The following ATXN7 variants were observed in gnomAD, a reference collection of about 807,000 sequenced individuals.
ATXN7 encodes the protein ataxin 7, also known as ataxin-7.
ATXN7 carries 12 observed loss-of-function variants against 70.5 expected under a neutral mutation model. The observed-to-expected ratio is 0.17, with a 90% CI of 0.11 to 0.28. ATXN7 has a LOEUF of 0.28. Among genes scored for constraint, ATXN7 ranks in the 10% least tolerant of loss-of-function variants. The pLI is 1.00. For synonymous variants in ATXN7, 498 were observed against 448.7 expected (o/e 1.11, Z -1.39); for missense variants, 1,256 against 1,131.7 (o/e 1.11, Z -1.58).
intron 1 of ATXN7, among the ~76,000 whole-genome samples, chr3:63,871,004 T>A (rs975145531): frequency 6.6e-6 from 1 of 152,182 alleles, no homozygotes; most frequent in Non-Finnish European, 1.5e-5. Context: ...TCCCTCTACC[T>A]TTCTCTCCTG....
At chr3:63,964,081 C>T (rs1020335727) in intron 5 of ATXN7, among the ~76,000 whole-genome samples, 1 of 138,110 alleles carries the variant, frequency 7.2e-6, no homozygotes, top group Non-Finnish European at 1.5e-5. Flanking sequence ...TAAACACACA[C>T]ACACACACAC....
chr3:63,959,652 TTC>T (rs2075093164), intron 5 of ATXN7, among the ~76,000 whole-genome samples: 1 of 152,232 alleles, frequency 6.6e-6, no homozygotes, highest in Non-Finnish European at 1.5e-5. Context: ...TAAAGGTTTA[TTC>T]TCTCTCAGCT....
In ATXN7 at chr3:63,952,438, G is replaced by T. The variant is rs759418780; in HGVS notation, c.454G>T (p.Asp152Tyr). The T allele has an allele frequency of 1.9e-5, 30 of 1,612,284 alleles. No individual in the cohort carries two copies. The highest frequency in any genetic ancestry group is 2.5e-5 in the Non-Finnish European group (29 of 1,179,574). The change falls in exon 5 of 13, where the codon GAC (aspartate) becomes TAC (tyrosine). Residue 152 changes from aspartate (D) to tyrosine (Y), a missense_variant. Transcript: ENST00000674280. ...HDDFYLVVCN[D>Y]CNQVVKPQAF... ...TGATTTCTACTTGGTGGTGTGTAAC[G>T]ACTGTAATCAGGTTGTCAAACCGCA...
intron 1 of ATXN7, among the ~76,000 whole-genome samples, chr3:63,871,152 A>G (rs1335421177): frequency 1.3e-5 from 2 of 152,184 alleles, no homozygotes; most frequent in African/African-American, 4.8e-5. Context: ...TTTGGAGTTT[A>G]CCTTTTCAAA....
rs150452950 is a variant in ATXN7 at position 63,900,091 on chromosome 3, GCAACAA to G, written c.-12+1607_-12+1612del. Among the ~76,000 whole-genome samples the G allele has an allele frequency of 6.2e-3, 936 of 151,974 alleles. 4 individuals carry two copies. The highest frequency in any genetic ancestry group is 9.4e-3 in the Non-Finnish European group (640 of 67,936). On this transcript the variant is annotated intron_variant, in intron 2 of 12. Coordinates refer to ENST00000674280, the MANE Select transcript of ATXN7 (RefSeq NM_001377405.1). ...AGCAAGACCCCATGTTAAAAAACAAGCAACAACAACAACAACAAAATTATTCTCCTA... is the reference window on the plus strand; with the variant it reads ...AGCAAGACCCCATGTTAAAAAACAAGCAACAACAACAAAATTATTCTCCTA...
chr3:63,939,481 A>G (rs764082166), intron 4 of ATXN7, among the ~76,000 whole-genome samples: 9 of 152,174 alleles, frequency 5.9e-5, no homozygotes, highest in African/African-American at 9.7e-5. Flanking sequence ...CAAACTGATG[A>G]TATTATCCTT....
intron 5 of ATXN7, among the ~76,000 whole-genome samples, chr3:63,959,130 G>A (rs2075082650): frequency 6.6e-6 from 1 of 152,204 alleles, no homozygotes; most frequent in African/African-American, 2.4e-5. Context: ...TCTTCTGCCT[G>A]TTCTACTTTA....
rs144689252 is a variant in ATXN7, at chr3:63,996,129, C to T, written c.2307C>T (p.Asn769=). Residue 769 remains asparagine (N), a synonymous_variant, in exon 12 of 13, where the codon AAC becomes AAT. Transcript: ENST00000674280. The part of the protein sequence containing the change: ...NCVTNKANAV[N]VRHDQSGRGP... ...TGACGAATAAAGCAAATGCGGTGAACGTCCGGCATGACCAGTCAGGGAGGG... is the reference window on the plus strand; with the variant it reads ...TGACGAATAAAGCAAATGCGGTGAATGTCCGGCATGACCAGTCAGGGAGGG... 2.6e-5 allele frequency: 42 copies of T among 1,614,188 alleles called. 1 individual carries two copies. In the East Asian group the frequency reaches 3.8e-4, roughly 15 times the overall value.
At chr3:63,923,288 A>G (rs1316239299) in intron 4 of ATXN7, among the ~76,000 whole-genome samples, 1 of 152,216 alleles carries the variant, frequency 6.6e-6, no homozygotes, top group African/African-American at 2.4e-5. Flanking sequence ...CTTAAGTGCC[A>G]GGTTTTCTGA....
chr3:63,915,500 A>G (rs368730954), intron 4 of ATXN7, among the ~76,000 whole-genome samples: 85 of 152,330 alleles, frequency 5.6e-4, no homozygotes, highest in Middle Eastern at 6.8e-3. Flanking sequence ...AGAAATGAAA[A>G]TACATTTAAT....
intron 8 of ATXN7, among the ~76,000 whole-genome samples, chr3:63,983,809 G>A (rs2075528418): frequency 1.3e-5 from 2 of 152,116 alleles, no homozygotes; most frequent in Non-Finnish European, 2.9e-5. Context: ...ACATAAATGA[G>A]CTTGTATGTT....
chr3:63,956,452 A>T (rs147178017), intron 5 of ATXN7, among the ~76,000 whole-genome samples: 2,449 of 145,894 alleles, frequency 0.017, 59 homozygotes, highest in South Asian at 0.061. Flanking sequence ...AAAAAGAGTA[A>T]GGTGTTTCTT....
intron 1 of ATXN7, among the ~76,000 whole-genome samples, chr3:63,878,232 G>A (rs1395873721): frequency 6.6e-6 from 1 of 152,204 alleles, no homozygotes; most frequent in Non-Finnish European, 1.5e-5. Flanking sequence ...GGTATTCAGT[G>A]TGAAAATACA....
In ATXN7 at chr3:63,877,797, A is replaced by C. The variant is rs3774705; in HGVS notation, c.-111+13639A>C. Among the ~76,000 whole-genome samples the C allele has an allele frequency of 2.0e-5, 3 of 152,350 alleles. No individual in the cohort carries two copies. In the East Asian group the frequency reaches 5.8e-4, roughly 29 times the overall value. The stretch of plus-strand genomic sequence containing the variant: ...AGTATCCTTCAGATTACTTGCACCA[A>C]GTAACAGCAAGGTATTTAGAGACTC... On this transcript the variant is annotated intron_variant, in intron 1 of 12. Coordinates refer to ENST00000674280, the MANE Select transcript of ATXN7 (RefSeq NM_001377405.1).
upstream of ATXN7, chr3:63,863,800 G>A: frequency 4.9e-6 from 5 of 1,012,330 alleles, no homozygotes; most frequent in Non-Finnish European, 6.2e-6. Context: ...TGGCGTGCGC[G>A]GCGGCGGCGG....
intron 2 of ATXN7, among the ~76,000 whole-genome samples, chr3:63,906,130 A>C (rs981030070): frequency 2.6e-5 from 4 of 152,222 alleles, no homozygotes; most frequent in African/African-American, 9.7e-5. Flanking sequence ...CTTTACCTCT[A>C]CCAAGAAAAG....
chr3:63,972,825 T>C (rs758509040), intron 5 of ATXN7, among the ~76,000 whole-genome samples: 2 of 152,248 alleles, frequency 1.3e-5, no homozygotes, highest in Non-Finnish European at 2.9e-5. Flanking sequence ...CTGGAGAAGA[T>C]AACTTACAGT....
chr3:63,868,769 C>T (rs832193), intron 1 of ATXN7, among the ~76,000 whole-genome samples: 127,539 of 152,122 alleles, frequency 0.84, 53,605 homozygotes, highest in Admixed American at 0.89. Flanking sequence ...AATTAAAAAA[C>T]TAAAATACTG....
At chr3:63,931,758 T>A (rs1289145695) in intron 4 of ATXN7, among the ~76,000 whole-genome samples, 1 of 152,108 alleles carries the variant, frequency 6.6e-6, no homozygotes, top group Non-Finnish European at 1.5e-5. Flanking sequence ...AGGAAAAGAG[T>A]TTACATTAAA....
Sources: allele counts gnomAD v4.1 joint callset (sites outside exome capture counted in the v4.1 genomes callset), GRCh38; gene constraint gnomAD v4.1.1; transcripts MANE v1.5; gene names NCBI Gene and HGNC (gene_info 2026-07-23, HGNC 2026-07-21).